Variants in GTF3C4 observed in about 807,000 individuals in gnomAD.
GTF3C4 encodes the protein general transcription factor 3C polypeptide 4.
GTF3C4 carries 28 observed loss-of-function variants against 67.5 expected under a neutral mutation model. The observed-to-expected ratio is 0.41, with a 90% CI of 0.31 to 0.57. GTF3C4 has a LOEUF of 0.57. Among genes scored for constraint, GTF3C4 ranks in the 20% least tolerant of loss-of-function variants. The pLI, the probability that GTF3C4 is intolerant of heterozygous loss-of-function variation, is 0.21. For synonymous variants in GTF3C4, 409 were observed against 393.0 expected, an observed-to-expected ratio of 1.04 and a Z score of -0.48; for missense variants, 831 against 1,033.2, an observed-to-expected ratio of 0.80 and a Z score of 2.68.
intron 3 of GTF3C4, among the ~76,000 whole-genome samples, chr9:132,685,942 G>A (rs1251448190): frequency 6.6e-6 from 1 of 152,164 alleles, no homozygotes; most frequent in African/African-American, 2.4e-5. Flanking sequence ...AAACCCTGAC[G>A]AATATTGAAG....
intron 1 of GTF3C4, among the ~76,000 whole-genome samples, chr9:132,675,201 T>C (rs1483636757): frequency 1.3e-5 from 2 of 152,198 alleles, no homozygotes; most frequent in Non-Finnish European, 2.9e-5. Context: ...GTTTAAGCAA[T>C]TTGCGCACAC....
intron 1 of GTF3C4, among the ~76,000 whole-genome samples, 168 bp downstream of exon 1, chr9:132,671,123 AAAG>A (rs1835737028): frequency 6.6e-6 from 1 of 151,784 alleles, no homozygotes. Context: ...AAAAAAAAAA[AAAG>A]AAAAGCTCTG....
At position 132,678,630 on chromosome 9, in the gene GTF3C4, T is replaced by G; in HGVS notation, c.1011T>G (p.Phe337Leu). 1 of 1,614,128 alleles carries G rather than the reference T, an allele frequency of 6.2e-7. No homozygotes were observed. The highest frequency in any genetic ancestry group is 8.5e-7 in the Non-Finnish European group (1 of 1,180,014). ...KMSGLIVGSA[F>L]GPIKILPVNL... Reference sequence around the variant, plus strand: ...GTGGCCTTATTGTGGGGAGTGCTTTTGGACCCATAAAAATTCTTCCTGTCA... The same window carrying G: ...GTGGCCTTATTGTGGGGAGTGCTTTGGGACCCATAAAAATTCTTCCTGTCA... The change falls in exon 2 of 5, where the codon TTT (phenylalanine) becomes TTG (leucine). Residue 337 changes from phenylalanine to leucine, a missense_variant. Phe to Leu is a conservative substitution (Grantham distance 22). Transcript: ENST00000372146. The surrounding 1 kb of genome is among the most constrained non-coding windows in gnomAD (Gnocchi z 6.5).
chr9:132,673,989 AATTGT>A (rs1446014478), intron 1 of GTF3C4, among the ~76,000 whole-genome samples: 1 of 152,208 alleles, frequency 6.6e-6, no homozygotes, highest in African/African-American at 2.4e-5. Context: ...TTGTGTACCG[AATTGT>A]ATTGTGCATC....
chr9:132,675,974 C>T (rs541723452), intron 1 of GTF3C4, among the ~76,000 whole-genome samples: 3 of 135,122 alleles, frequency 2.2e-5, no homozygotes, highest in Non-Finnish European at 4.6e-5. Context: ...TCTTGGCTCA[C>T]TGCAGGCTCC....
Position 132,678,626 on chromosome 9 carries a change from C to T in GTF3C4, c.1007C>T (p.Ala336Val). The T allele has an allele frequency of 3.1e-6, 5 of 1,614,004 alleles. No homozygotes were observed. Among genetic ancestry groups the T allele is most frequent in the Non-Finnish European group, 2.5e-6 (3 of 1,179,944 alleles). ...RKMSGLIVGSAFGPIKILPVN... is the reference protein window; with the variant it reads ...RKMSGLIVGSVFGPIKILPVN... ...ATGAGTGGCCTTATTGTGGGGAGTG[C>T]TTTTGGACCCATAAAAATTCTTCCT... Residue 336 changes from alanine to valine, a missense_variant, in exon 2 of 5, where the codon GCT (alanine) becomes GTT (valine). This residue lies in a region of GTF3C4 where 390 missense variants were observed against 540.3 expected (regional missense o/e 0.72). Coordinates refer to ENST00000372146, the MANE Select transcript of GTF3C4 (RefSeq NM_012204.4). The surrounding 1 kb of genome is among the most constrained non-coding windows in gnomAD (Gnocchi z 6.5).
chr9:132,678,678 T>C lies in GTF3C4; in HGVS notation c.1059T>C (p.Tyr353=). The change falls in exon 2 of 5, where the codon TAT becomes TAC. Residue 353 remains tyrosine, a synonymous_variant. Transcript: ENST00000372146. The surrounding 1 kb of genome is among the most constrained non-coding windows in gnomAD (Gnocchi z 6.5). ...TCAATCTCAAAGCAGTCAAAGGCTA[T>C]TTCACTTTAAGGCAGCCTGTTATCT... The part of the protein sequence containing the change: ...LPVNLKAVKG[Y]FTLRQPVILW... 6.2e-7 allele frequency: 1 copy of C among 1,614,186 alleles called. No homozygotes were observed. Among genetic ancestry groups the C allele is most frequent in the East Asian group, 2.2e-5 (1 of 44,882 alleles).
chr9:132,675,506 T>C (rs1835851419), intron 1 of GTF3C4, among the ~76,000 whole-genome samples: 1 of 152,082 alleles, frequency 6.6e-6, no homozygotes, highest in Non-Finnish European at 1.5e-5. Context: ...CCCAAAGTAT[T>C]CCACATACTT....
At chr9:132,674,888 A>G (rs1490568307) in intron 1 of GTF3C4, among the ~76,000 whole-genome samples, 2 of 152,210 alleles carry the variant, frequency 1.3e-5, no homozygotes, top group Non-Finnish European at 2.9e-5. Flanking sequence ...AAAATTAGCC[A>G]GGCATGGTGG....
Position 132,687,347 on chromosome 9 carries a change from TGGGA to T in GTF3C4, c.2404+24_2404+27del. The T allele has an allele frequency of 1.3e-5, 1 of 78,180 alleles. No homozygotes were observed. Among genetic ancestry groups the T allele is most frequent in the Non-Finnish European group, 2.8e-5 (1 of 35,194 alleles). The allele number at this position is 78,180 out of a possible 1,614,324, so 4.8% of individuals were successfully genotyped here. A position where few individuals can be genotyped will look rare whatever the true frequency, so the allele number is the denominator to read the frequency against. On this transcript the variant is annotated intron_variant, in intron 4 of 4. Transcript: ENST00000372146. ...CAGAAGGTGAGTGCTTTCCCTTACT[TGGGA>T]GGGTGGGTGGGTGGAACATGCTGGC...
At chr9:132,687,177 C>G (rs1396860038) in intron 3 of GTF3C4, 62 bp from the exon 4 acceptor site, 3 of 867,586 alleles carry the variant, frequency 3.5e-6, no homozygotes, top group Non-Finnish European at 6.0e-6. Context: ...GGAGAAACAT[C>G]AGTTTCTGAG....
rs534512256 is a variant in GTF3C4, at chr9:132,679,426, G to A, written c.1807G>A (p.Asp603Asn). Reference protein sequence around the residue: ...SEALWKPTHEDSKILLVDSPG... With the variant: ...SEALWKPTHENSKILLVDSPG... ...AGCCTTGTGGAAACCCACCCATGAGGACTCAAAAATCTTACTAGTGGATTC... is the reference window on the plus strand; with the variant it reads ...AGCCTTGTGGAAACCCACCCATGAGAACTCAAAAATCTTACTAGTGGATTC... Residue 603 changes from aspartate to asparagine, a missense_variant, in exon 2 of 5, where the codon GAC becomes AAC. Physicochemically the swap from Asp to Asn is conservative, Grantham distance 23 (BLOSUM62 1). Transcript: ENST00000372146. This position sits in a 1 kb window ranked among gnomAD's most constrained non-coding sequence, Gnocchi z 5.9. 2.5e-6 allele frequency: 4 copies of A among 1,614,108 alleles called. 1 individual carries two copies. In the South Asian group the frequency reaches 4.4e-5, roughly 18 times the overall value.
chr9:132,676,852 T>C (rs1301904978), intron 1 of GTF3C4, among the ~76,000 whole-genome samples: 1 of 152,212 alleles, frequency 6.6e-6, no homozygotes, highest in Non-Finnish European at 1.5e-5. Flanking sequence ...TTCTACCCTT[T>C]CCAGTTTAAA....
intron 1 of GTF3C4, among the ~76,000 whole-genome samples, chr9:132,675,252 G>C (rs934487410): frequency 6.6e-6 from 1 of 152,180 alleles, no homozygotes; most frequent in African/African-American, 2.4e-5. Flanking sequence ...AACCCAGGTA[G>C]TCTGGCGTCA....
Position 132,670,568 on chromosome 9 carries a change from C to T in GTF3C4, c.-31C>T, listed in dbSNP as rs947703253. ...GTGGTCGCGCGACTGCGTGGAGCGC[C>T]AGGGCGTCCGACCTCTGCACCTGAG... On this transcript the variant is annotated 5_prime_UTR_variant, in exon 1 of 5. Transcript: ENST00000372146. The T allele has an allele frequency of 5.1e-6, 7 of 1,380,684 alleles. No individual in the cohort carries two copies. The African/African-American group carries it at 1.1e-4, about 21-fold the overall frequency. 85.5% of individuals were successfully genotyped at this position (1,380,684 alleles called of 1,614,324 possible). A position where few individuals can be genotyped will look rare whatever the true frequency, so the allele number is the denominator to read the frequency against.
Position 132,690,958 on chromosome 9 carries a change from G to A in GTF3C4, c.*2013G>A, listed in dbSNP as rs575213701. ...TTAGGTTTTTATTTAAAGCAGTTGT[G>A]CATTTTTGAGAAAATGTATTGGGAG... On this transcript the variant is annotated 3_prime_UTR_variant, in exon 5 of 5. Coordinates refer to ENST00000372146, the MANE Select transcript of GTF3C4 (RefSeq NM_012204.4). 2 of 152,292 alleles carry A rather than the reference G, an allele frequency of 1.3e-5. No individual in the cohort carries two copies. Among genetic ancestry groups the A allele is most frequent in the South Asian group, 4.1e-4 (2 of 4,826 alleles). 9.4% of individuals were successfully genotyped at this position (152,292 alleles called of 1,614,324 possible).
At chr9:132,684,820 C>A (rs1836000933) in intron 3 of GTF3C4, among the ~76,000 whole-genome samples, 1 of 152,146 alleles carries the variant, frequency 6.6e-6, no homozygotes, top group Non-Finnish European at 1.5e-5. Flanking sequence ...CACTGACATA[C>A]CTTCCCCTCC....
Position 132,691,407 on chromosome 9 carries a change from T to C in GTF3C4, c.*2462T>C, listed in dbSNP as rs760151912. ...CCGTCCTAAAATTTGCCTGATCTTA[T>C]TTGGTAGATTTCAAGTTGCTTTCAG... On this transcript the variant is annotated 3_prime_UTR_variant, in exon 5 of 5. Transcript: ENST00000372146. The C allele has an allele frequency of 5.3e-5, 8 of 152,212 alleles. No homozygotes were observed. The highest frequency in any genetic ancestry group is 1.2e-4 in the Non-Finnish European group (8 of 68,036). 9.4% of individuals were successfully genotyped at this position (152,212 alleles called of 1,614,324 possible).
Position 132,670,840 on chromosome 9 carries a change from C to G in GTF3C4, c.242C>G (p.Ser81Cys). 2.5e-6 allele frequency: 4 copies of G among 1,610,536 alleles called. No individual in the cohort carries two copies. The highest frequency in any genetic ancestry group is 3.4e-6 in the Non-Finnish European group (4 of 1,179,650). ...AWSEDHRVSVSTARSIAVLEL... is the reference protein window; with the variant it reads ...AWSEDHRVSVCTARSIAVLEL... ...TCCGAGGACCACCGCGTGTCTGTGTCCACGGCCCGCAGCATCGCTGTGCTG... is the reference window on the plus strand; with the variant it reads ...TCCGAGGACCACCGCGTGTCTGTGTGCACGGCCCGCAGCATCGCTGTGCTG... Residue 81 changes from serine to cysteine, a missense_variant, in exon 1 of 5, where the codon TCC (serine) becomes TGC (cysteine). Around this residue, in one of 4 missense-constraint regions of GTF3C4, gnomAD observed 237 missense variants for 212.7 expected, o/e 1.11. Coordinates refer to ENST00000372146, the MANE Select transcript of GTF3C4 (RefSeq NM_012204.4).
Sources: gnomAD v4.1 joint callset for allele counts (sites outside exome capture counted in the v4.1 genomes callset) on GRCh38, gnomAD v4.1.1 for gene constraint, gnomAD v4.1.1 regional missense constraint, Gnocchi (gnomAD v3.1) non-coding constraint, MANE v1.5 for transcripts, NCBI Gene and HGNC (gene_info 2026-07-23, HGNC 2026-07-21) for gene names.